The following TMEM120B variants were observed in gnomAD, a reference collection of about 807,000 sequenced individuals.
TMEM120B encodes the protein transmembrane protein 120B.
A neutral mutation model predicts 55.5 loss-of-function variants in TMEM120B; 31 were observed. The ratio of observed to expected loss-of-function variants is 0.56; its 90% CI spans 0.42 to 0.75. The LOEUF (loss-of-function observed/expected upper bound fraction) is 0.75, where lower values mean the gene tolerates loss of function less well. Ranked by LOEUF, TMEM120B falls within the 30% of genes least tolerant of loss-of-function variation. The pLI, the probability that TMEM120B is intolerant of heterozygous loss-of-function variation, is 0.00. For missense variants in TMEM120B, 399 were observed against 425.5 expected (o/e 0.94, Z 0.55); for synonymous variants, 203 against 176.3 (o/e 1.15, Z -1.20).
chr12:121,726,443 G>C (rs1241600576), intron 1 of TMEM120B, among the ~76,000 whole-genome samples: 1 of 151,624 alleles, frequency 6.6e-6, no homozygotes. Context: ...GCCGGGCATG[G>C]TGGCAGGCAC....
At chr12:121,731,113 T>C (rs986151435) in intron 1 of TMEM120B, among the ~76,000 whole-genome samples, 41 of 152,124 alleles carry the variant, frequency 2.7e-4, no homozygotes, top group Non-Finnish European at 5.9e-5. Context: ...TAGTTTCTGT[T>C]TGGCATGGTG....
intron 6 of TMEM120B, among the ~76,000 whole-genome samples, chr12:121,767,381 C>T (rs1352976123): frequency 6.6e-6 from 1 of 152,128 alleles, no homozygotes; most frequent in East Asian, 1.9e-4. Context: ...AGGATGGTCT[C>T]GATCTCCTGA....
At chr12:121,772,957 T>C (rs1874111888) in intron 8 of TMEM120B, among the ~76,000 whole-genome samples, 1 of 152,244 alleles carries the variant, frequency 6.6e-6, no homozygotes, top group Admixed American at 6.5e-5. Context: ...GCTTTACTAT[T>C]ATAACCTGCC....
chr12:121,748,307 C>T lies in TMEM120B; in HGVS notation c.189-19C>T, dbSNP rs1566515992. 2 of 1,593,700 alleles carry T rather than the reference C, an allele frequency of 1.3e-6. No individual in the cohort carries two copies. Among genetic ancestry groups the T allele is most frequent in the Non-Finnish European group, 1.7e-6 (2 of 1,163,510 alleles). On this transcript the variant is annotated intron_variant, in intron 2 of 11. Coordinates refer to ENST00000449592, the MANE Select transcript of TMEM120B (RefSeq NM_001080825.2). ...TCTGAGTGACGCCCCTTCCCCTGTG[C>T]CTGCATCTCTGTCCGCAGGTGCAAA... is the stretch of plus-strand genomic sequence containing the variant.
intron 1 of TMEM120B, among the ~76,000 whole-genome samples, chr12:121,716,805 T>C (rs564691463): frequency 6.6e-6 from 1 of 152,200 alleles, no homozygotes; most frequent in East Asian, 1.9e-4. Context: ...TCGTGATCCA[T>C]CTGCCTTGGC....
At chr12:121,723,511 G>A (rs1894835304) in intron 1 of TMEM120B, among the ~76,000 whole-genome samples, 1 of 152,204 alleles carries the variant, frequency 6.6e-6, no homozygotes, top group African/African-American at 2.4e-5. Flanking sequence ...TGCCAGTGAG[G>A]AGCTGTAGTG....
At chr12:121,768,019 C>T (rs1405833967) in intron 6 of TMEM120B, among the ~76,000 whole-genome samples, 1 of 152,154 alleles carries the variant, frequency 6.6e-6, no homozygotes, top group Non-Finnish European at 1.5e-5. Context: ...AGAGAGACCT[C>T]CTGGTTGCTC....
In TMEM120B at chr12:121,748,321, C is replaced by G; in HGVS notation, c.189-5C>G. 1 of 1,606,252 alleles carries G rather than the reference C, an allele frequency of 6.2e-7. No homozygotes were observed. Among genetic ancestry groups the G allele is most frequent in the Non-Finnish European group, 8.5e-7 (1 of 1,174,816 alleles). On this transcript the variant is annotated splice_polypyrimidine_tract_variant and splice_region_variant and intron_variant, in intron 2 of 11. Transcript: ENST00000449592. ...CTTCCCCTGTGCCTGCATCTCTGTC[C>G]GCAGGTGCAAACGCCATGCCAGTCG...
chr12:121,750,778 T>C (rs1262154955), intron 4 of TMEM120B, among the ~76,000 whole-genome samples: 1 of 67,312 alleles, frequency 1.5e-5, no homozygotes, highest in East Asian at 5.4e-4. Flanking sequence ...ACTCCACACC[T>C]TACAGCCACA....
chr12:121,726,305 C>T (rs1437499018), intron 1 of TMEM120B, among the ~76,000 whole-genome samples: 1 of 151,960 alleles, frequency 6.6e-6, no homozygotes, highest in Non-Finnish European at 1.5e-5. Context: ...TTCGGCTGGG[C>T]GCAGTGGCTC....
intron 1 of TMEM120B, among the ~76,000 whole-genome samples, chr12:121,730,464 G>A (rs1444388759): frequency 8.2e-6 from 1 of 122,674 alleles, no homozygotes; most frequent in Admixed American, 9.4e-5. Context: ...GGCCAATATG[G>A]TGAAACCCCT....
intron 6 of TMEM120B, among the ~76,000 whole-genome samples, chr12:121,770,039 G>A (rs1012971949): frequency 2.8e-4 from 42 of 152,132 alleles, no homozygotes; most frequent in Non-Finnish European, 5.6e-4. Flanking sequence ...AGCCAGGCAC[G>A]TCAAGGTCTT....
chr12:121,738,514 A>G (rs1327430572), intron 1 of TMEM120B, among the ~76,000 whole-genome samples: 1 of 152,102 alleles, frequency 6.6e-6, no homozygotes, highest in Non-Finnish European at 1.5e-5. Context: ...AGGTTGCATC[A>G]TCTGGGCAGG....
intron 5 of TMEM120B, among the ~76,000 whole-genome samples, chr12:121,754,759 C>T (rs1198647930): frequency 6.6e-6 from 1 of 152,188 alleles, no homozygotes; most frequent in Non-Finnish European, 1.5e-5. Context: ...AATAAGGTCA[C>T]ATTCTGAGGT....
chr12:121,752,184 T>C lies in TMEM120B; in HGVS notation c.422T>C (p.Leu141Pro). 6.2e-7 allele frequency: 1 copy of C among 1,613,756 alleles called. No individual in the cohort carries two copies. Among genetic ancestry groups the C allele is most frequent in the Non-Finnish European group, 8.5e-7 (1 of 1,179,898 alleles). Residue 141 changes from leucine (L) to proline (P), a missense_variant, in exon 5 of 12, where the codon CTC (leucine) becomes CCC (proline). This residue lies in a region of TMEM120B where 260 missense variants were observed against 303.9 expected (regional missense o/e 0.86). Transcript: ENST00000449592. ...AAGCTCTACCTGACCATCATCCTGCTCCTGGGTGCCGTGGCATGTCGATTT... is the reference window on the plus strand; with the variant it reads ...AAGCTCTACCTGACCATCATCCTGCCCCTGGGTGCCGTGGCATGTCGATTT... Reference protein sequence around the residue: ...KFKLYLTIILLLGAVACRFVL... With the variant: ...KFKLYLTIILPLGAVACRFVL...
chr12:121,752,314 C>T lies in TMEM120B; in HGVS notation c.461+91C>T, dbSNP rs559197827. 7.4e-6 allele frequency: 8 copies of T among 1,084,372 alleles called. No homozygotes were observed. The East Asian group carries it at 1.7e-4, about 23-fold the overall frequency. The allele number at this position is 1,084,372 out of a possible 1,614,324, so 67.2% of individuals were successfully genotyped here. A position where few individuals can be genotyped will look rare whatever the true frequency, so the allele number is the denominator to read the frequency against. ...GGGATCCAGGGGACCCGGAGCCTCT[C>T]CTGCTTCTGTGTTGTTTGGCATGAT... is the stretch of plus-strand genomic sequence containing the variant. On this transcript the variant is annotated intron_variant, in intron 5 of 11. Transcript: ENST00000449592.
chr12:121,730,257 CAAAA>C (rs111608601), intron 1 of TMEM120B, among the ~76,000 whole-genome samples: 1 of 82,334 alleles, frequency 1.2e-5, no homozygotes. Flanking sequence ...GACTCCATCT[CAAAA>C]AAAAAAAAAA....
intron 2 of TMEM120B, among the ~76,000 whole-genome samples, chr12:121,746,720 C>A (rs182828400): frequency 2.0e-5 from 3 of 151,886 alleles, no homozygotes; most frequent in African/African-American, 7.3e-5. Context: ...TTTGGGAGGC[C>A]GAGGCAGGCA....
chr12:121,743,779 G>C, intron 2 of TMEM120B, 32 bp downstream of exon 2: 1 of 1,492,946 alleles, frequency 6.7e-7, no homozygotes, highest in Admixed American at 1.7e-5. Context: ...GGGCTGCCCT[G>C]GTTCTGAGGG....
Sources: allele counts gnomAD v4.1 joint callset (sites outside exome capture counted in the v4.1 genomes callset), GRCh38; gene constraint gnomAD v4.1.1; regional missense constraint gnomAD v4.1.1; transcripts MANE v1.5; gene names NCBI Gene and HGNC (gene_info 2026-07-23, HGNC 2026-07-21).